ADAMTSL1: variants seen among roughly 807,000 people sequenced by gnomAD.
ADAMTSL1 encodes the protein ADAMTS-like protein 1.
ADAMTSL1 carries 126 observed loss-of-function variants against 201.8 expected under a neutral mutation model. That is an observed-to-expected ratio of 0.62 (90% CI 0.54 to 0.72). ADAMTSL1 has a LOEUF of 0.72. Ranked by LOEUF, ADAMTSL1 falls within the 30% of genes least tolerant of loss-of-function variation. The pLI, the probability that ADAMTSL1 is intolerant of heterozygous loss-of-function variation, is 0.00. For missense variants in ADAMTSL1, 2,679 were observed against 2,277.8 expected (o/e 1.18, Z -3.59); for synonymous variants, 1,121 against 903.4 (o/e 1.24, Z -4.32).
At chr9:18,239,216 G>C (rs1830966425) in intron 2 of ADAMTSL1, among the ~76,000 whole-genome samples, 1 of 152,082 alleles carries the variant, frequency 6.6e-6, no homozygotes, top group South Asian at 2.1e-4. Flanking sequence ...AGACAACAAT[G>C]CAATTTGTCA....
chr9:18,801,498 T>C (rs1251364946), intron 20 of ADAMTSL1, among the ~76,000 whole-genome samples: 5 of 152,092 alleles, frequency 3.3e-5, no homozygotes, highest in African/African-American at 9.7e-5. Context: ...TAGTACCCAA[T>C]AGCTATTTTT....
intron 2 of ADAMTSL1, among the ~76,000 whole-genome samples, chr9:18,405,367 A>C (rs535419485): frequency 3.5e-4 from 53 of 152,310 alleles, no homozygotes; most frequent in African/African-American, 1.2e-3. Flanking sequence ...GGTTGGTGAG[A>C]GGATGGAAAT....
intron 1 of ADAMTSL1, among the ~76,000 whole-genome samples, chr9:17,943,816 C>T (rs1238741546): frequency 6.6e-6 from 1 of 151,944 alleles, no homozygotes; most frequent in African/African-American, 2.4e-5. Context: ...TACAGTTTTG[C>T]AGGCTATACA....
In ADAMTSL1 at chr9:18,493,090, G is replaced by T. The variant is rs556641795; in HGVS notation, c.64-11739G>T. Among the ~76,000 whole-genome samples, 32 of 152,260 alleles carry T rather than the reference G, an allele frequency of 2.1e-4. 1 individual carries two copies. The South Asian group carries it at 6.2e-3, about 30-fold the overall frequency. ...CCTAGTCCCTAGCTTCAAGGACATT[G>T]TATTGATATTTTGCCTCTATTAATT... On this transcript the variant is annotated intron_variant, in intron 1 of 28. Coordinates refer to ENST00000380548, the MANE Select transcript of ADAMTSL1 (RefSeq NM_001040272.6).
At chr9:18,421,211 C>T (rs540169145) in intron 2 of ADAMTSL1, among the ~76,000 whole-genome samples, 1 of 152,234 alleles carries the variant, frequency 6.6e-6, no homozygotes, top group African/African-American at 2.4e-5. Context: ...AAATCCTTGA[C>T]TATTTATAAT....
chr9:18,273,385 C>T (rs1040264029), intron 2 of ADAMTSL1, among the ~76,000 whole-genome samples: 2 of 152,124 alleles, frequency 1.3e-5, no homozygotes, highest in Admixed American at 6.5e-5. Context: ...CCGGCCACCT[C>T]ACAGTCATAT....
chr9:18,386,549 T>A (rs73432640), intron 2 of ADAMTSL1, among the ~76,000 whole-genome samples: 1,890 of 152,330 alleles, frequency 0.012, 41 homozygotes, highest in African/African-American at 0.043. Context: ...GGGGGCTCTC[T>A]TTTCCCTTTT....
intron 2 of ADAMTSL1, among the ~76,000 whole-genome samples, chr9:18,307,608 A>G (rs7024310): frequency 0.37 from 56,152 of 151,946 alleles, 10,829 homozygotes; most frequent in Admixed American, 0.52. Flanking sequence ...AAGGCATTAC[A>G]TAATGGTAAA....
chr9:18,531,458 T>C (rs916320818), intron 2 of ADAMTSL1, among the ~76,000 whole-genome samples: 1 of 152,228 alleles, frequency 6.6e-6, no homozygotes, highest in Non-Finnish European at 1.5e-5. Context: ...GACACACATG[T>C]GTCTTTGTCA....
intron 4 of ADAMTSL1, among the ~76,000 whole-genome samples, chr9:18,584,438 T>A (rs1488783417): frequency 6.6e-6 from 1 of 152,080 alleles, no homozygotes; most frequent in Non-Finnish European, 1.5e-5. Context: ...GTCTCAGGTA[T>A]GTCTTTATCA....
chr9:18,277,807 A>G (rs954228001), intron 2 of ADAMTSL1, among the ~76,000 whole-genome samples: 1 of 152,188 alleles, frequency 6.6e-6, no homozygotes, highest in Admixed American at 6.5e-5. Flanking sequence ...TACTACTGCC[A>G]GTGTGGTAAT....
chr9:17,972,405 C>T (rs1198540268), intron 1 of ADAMTSL1, among the ~76,000 whole-genome samples: 1 of 147,882 alleles, frequency 6.8e-6, no homozygotes, highest in African/African-American at 2.5e-5. Context: ...TGAGTGAGAA[C>T]ATACGGTGTT....
intron 2 of ADAMTSL1, among the ~76,000 whole-genome samples, chr9:18,220,423 T>G (rs1020167258): frequency 6.6e-5 from 10 of 152,184 alleles, no homozygotes; most frequent in Admixed American, 2.0e-4. Context: ...GTTTTCTGAT[T>G]TTAATATAGC....
intron 1 of ADAMTSL1, among the ~76,000 whole-genome samples, chr9:18,097,166 A>G (rs769344998): frequency 6.6e-6 from 1 of 152,180 alleles, no homozygotes; most frequent in Non-Finnish European, 1.5e-5. Flanking sequence ...CTAGAGTTTC[A>G]TATGCATGGA....
At chr9:18,081,983 C>T (rs924326080) in intron 1 of ADAMTSL1, among the ~76,000 whole-genome samples, 3 of 152,124 alleles carry the variant, frequency 2.0e-5, no homozygotes, top group Admixed American at 6.6e-5. Flanking sequence ...GATAATGGCT[C>T]TGAACTGGTG....
intron 1 of ADAMTSL1, among the ~76,000 whole-genome samples, chr9:18,088,678 A>G (rs1438843268): frequency 4.6e-5 from 7 of 152,192 alleles, no homozygotes; most frequent in Non-Finnish European, 1.0e-4. Context: ...TACAATCCAC[A>G]ATGAGATATG....
At chr9:18,346,747 C>G (rs1835735959) in intron 2 of ADAMTSL1, among the ~76,000 whole-genome samples, 1 of 151,992 alleles carries the variant, frequency 6.6e-6, no homozygotes, top group East Asian at 1.9e-4. Flanking sequence ...TTGAAGTCAC[C>G]CGCTAATTAA....
chr9:18,079,650 C>G (rs1038735818), intron 1 of ADAMTSL1, among the ~76,000 whole-genome samples: 4 of 150,396 alleles, frequency 2.7e-5, no homozygotes, highest in South Asian at 2.1e-4. Context: ...CCACTGCACT[C>G]CAGTCTGGGA....
intron 7 of ADAMTSL1, among the ~76,000 whole-genome samples, chr9:18,644,241 G>A (rs1423719244): frequency 1.2e-4 from 18 of 151,872 alleles, no homozygotes. Flanking sequence ...CAACTTTACT[G>A]AATTTATTGA....
Sources: gnomAD v4.1 joint callset for allele counts (sites outside exome capture counted in the v4.1 genomes callset) on GRCh38, gnomAD v4.1.1 for gene constraint, MANE v1.5 for transcripts, NCBI Gene and HGNC (gene_info 2026-07-23, HGNC 2026-07-21) for gene names.